The following MDGA2 variants were observed in gnomAD, a reference collection of about 807,000 sequenced individuals.
MDGA2 encodes the protein MAM domain-containing glycosylphosphatidylinositol anchor protein 2.
A neutral mutation model predicts 117.8 loss-of-function variants in MDGA2; 40 were observed. The ratio of observed to expected loss-of-function variants is 0.34; its 90% CI spans 0.26 to 0.44. The LOEUF (loss-of-function observed/expected upper bound fraction) is 0.44, where lower values mean the gene tolerates loss of function less well. MDGA2 is among the 20% of genes least tolerant of loss of function. The pLI, the probability that MDGA2 is intolerant of heterozygous loss-of-function variation, is 1.00. For synonymous variants in MDGA2, 452 were observed against 439.0 expected, an observed-to-expected ratio of 1.03 and a Z score of -0.37; for missense variants, 1,123 against 1,250.6, an observed-to-expected ratio of 0.90 and a Z score of 1.54.
chr14:47,321,164 G>A (rs1319653494), intron 1 of MDGA2, among the ~76,000 whole-genome samples: 1 of 152,120 alleles, frequency 6.6e-6, no homozygotes, highest in South Asian at 2.1e-4. Flanking sequence ...CTTGAGAGTG[G>A]AAACACACAT....
chr14:47,517,887 TTG>T (rs1194867204), intron 1 of MDGA2, among the ~76,000 whole-genome samples: 3 of 152,314 alleles, frequency 2.0e-5, no homozygotes, highest in Non-Finnish European at 2.9e-5. Context: ...GTCTTAAATG[TTG>T]TGTGTCTTAA....
intron 5 of MDGA2, among the ~76,000 whole-genome samples, chr14:47,118,736 ACAACAT>A (rs1258908259): frequency 6.6e-6 from 1 of 152,124 alleles, no homozygotes; most frequent in African/African-American, 2.4e-5. Context: ...TATAAAAACA[ACAACAT>A]CAACAACAAA....
At chr14:47,362,242 T>G (rs1233258835) in intron 1 of MDGA2, among the ~76,000 whole-genome samples, 1 of 152,152 alleles carries the variant, frequency 6.6e-6, no homozygotes, top group Non-Finnish European at 1.5e-5. Flanking sequence ...TCATTTTCCC[T>G]TTGTTTCAAA....
At chr14:47,486,436 T>C (rs1246890398) in intron 1 of MDGA2, among the ~76,000 whole-genome samples, 1 of 152,170 alleles carries the variant, frequency 6.6e-6, no homozygotes, top group African/African-American at 2.4e-5. Context: ...ACTTGTCTTC[T>C]CTTGGATAAG....
At chr14:47,267,141 T>A (rs1566711301) in intron 2 of MDGA2, among the ~76,000 whole-genome samples, 1 of 152,118 alleles carries the variant, frequency 6.6e-6, no homozygotes, top group Non-Finnish European at 1.5e-5. Flanking sequence ...ACCATGTCTA[T>A]AGATACAAAG....
intron 5 of MDGA2, among the ~76,000 whole-genome samples, chr14:47,113,690 T>C (rs1413449672): frequency 6.6e-6 from 1 of 152,146 alleles, no homozygotes; most frequent in Non-Finnish European, 1.5e-5. Context: ...AAAAAGGCCT[T>C]TGATAAAATT....
chr14:46,998,293 A>G (rs1329821673), intron 8 of MDGA2, among the ~76,000 whole-genome samples: 1 of 152,104 alleles, frequency 6.6e-6, no homozygotes, highest in Non-Finnish European at 1.5e-5. Flanking sequence ...AAACAGATGA[A>G]AAGAAAAAAT....
chr14:47,205,676 C>T (rs779626303), intron 3 of MDGA2, among the ~76,000 whole-genome samples: 1 of 151,800 alleles, frequency 6.6e-6, no homozygotes, highest in Non-Finnish European at 1.5e-5. Flanking sequence ...AAGGAAAAAA[C>T]AAGCTTAGAT....
chr14:47,499,639 T>C (rs1385816734), intron 1 of MDGA2, among the ~76,000 whole-genome samples: 2 of 152,080 alleles, frequency 1.3e-5, no homozygotes, highest in Non-Finnish European at 2.9e-5. Context: ...CTTCCAGCAA[T>C]AGAGATGAGC....
At chr14:47,071,978 T>G (rs1299123115) in intron 6 of MDGA2, among the ~76,000 whole-genome samples, 1 of 151,782 alleles carries the variant, frequency 6.6e-6, no homozygotes, top group East Asian at 1.9e-4. Flanking sequence ...CACCATCGTA[T>G]AGTTGTTCAG....
intron 2 of MDGA2, among the ~76,000 whole-genome samples, chr14:47,267,512 G>A (rs1888006307): frequency 6.6e-6 from 1 of 151,560 alleles, no homozygotes; most frequent in African/African-American, 2.4e-5. Flanking sequence ...TGTGACTGTT[G>A]ATTCCTAATT....
intron 1 of MDGA2, among the ~76,000 whole-genome samples, chr14:47,546,775 G>T (rs1316790105): frequency 6.6e-6 from 1 of 152,090 alleles, no homozygotes; most frequent in Admixed American, 6.6e-5. Flanking sequence ...TTAAAACCTT[G>T]AGAATGTTTC....
At chr14:47,641,760 A>T (rs1250325986) in intron 1 of MDGA2, among the ~76,000 whole-genome samples, 1 of 152,136 alleles carries the variant, frequency 6.6e-6, no homozygotes, top group Non-Finnish European at 1.5e-5. Flanking sequence ...TTGCTGTAAT[A>T]CCTCATCTGC....
intron 2 of MDGA2, among the ~76,000 whole-genome samples, chr14:47,280,848 TATC>T (rs1219701730): frequency 6.6e-6 from 1 of 151,346 alleles, no homozygotes; most frequent in Non-Finnish European, 1.5e-5. Context: ...ATTCAAGACA[TATC>T]ATATTCTCTG....
At chr14:46,999,732 C>G (rs1193288565) in intron 8 of MDGA2, among the ~76,000 whole-genome samples, 4 of 152,098 alleles carry the variant, frequency 2.6e-5, no homozygotes, top group Non-Finnish European at 5.9e-5. Context: ...CACTCCTCCA[C>G]CCCCTTTTCT....
intron 8 of MDGA2, among the ~76,000 whole-genome samples, chr14:46,998,415 A>G (rs971974941): frequency 6.6e-6 from 1 of 152,186 alleles, no homozygotes; most frequent in African/African-American, 2.4e-5. Context: ...GTATTAGAGG[A>G]AAGTTTAGAA....
intron 2 of MDGA2, among the ~76,000 whole-genome samples, chr14:47,237,448 T>C (rs954243643): frequency 1.3e-5 from 2 of 152,108 alleles, no homozygotes; most frequent in Non-Finnish European, 2.9e-5. Flanking sequence ...CTTTTAAACA[T>C]AGTTTTACAG....
intron 4 of MDGA2, among the ~76,000 whole-genome samples, chr14:47,142,438 A>C (rs935892820): frequency 1.4e-5 from 2 of 143,120 alleles, no homozygotes; most frequent in African/African-American, 5.4e-5. Context: ...GCAAGGCTCC[A>C]TCTCAAAAAC....
At chr14:47,669,885 C>T (rs1042861669) in intron 1 of MDGA2, among the ~76,000 whole-genome samples, 2 of 152,156 alleles carry the variant, frequency 1.3e-5, no homozygotes, top group Non-Finnish European at 2.9e-5. Context: ...AATATACCTT[C>T]GGATAGCTTT....
Sources: allele counts gnomAD v4.1 joint callset (sites outside exome capture counted in the v4.1 genomes callset), GRCh38; gene constraint gnomAD v4.1.1; transcripts MANE v1.5; gene names NCBI Gene and HGNC (gene_info 2026-07-23, HGNC 2026-07-21).